Variants in TNC observed in about 807,000 individuals in gnomAD.
TNC encodes tenascin.
In TNC, 109 loss-of-function variants were observed where a neutral mutation model predicts 202.4. That is an observed-to-expected ratio of 0.54 (90% CI 0.46 to 0.63). The LOEUF (loss-of-function observed/expected upper bound fraction) is 0.63, where lower values mean the gene tolerates loss of function less well. Ranked by LOEUF, TNC falls within the 30% of genes least tolerant of loss-of-function variation. The pLI is 0.00. For missense variants in TNC, 2,756 were observed against 2,833.3 expected (o/e 0.97, Z 0.62); for synonymous variants, 1,007 against 1,089.7 (o/e 0.92, Z 1.50).
chr9:115,086,031 C>T lies in TNC; in HGVS notation c.1700G>A (p.Cys567Tyr), dbSNP rs1443190317. 1 of 1,614,028 alleles carries T rather than the reference C, an allele frequency of 6.2e-7. No individual in the cohort carries two copies. The highest frequency in any genetic ancestry group is 2.2e-5 in the East Asian group (1 of 44,900). The change falls in exon 3 of 28, where the codon TGT becomes TAT. Residue 567 changes from cysteine to tyrosine, a missense_variant. By Grantham distance (194) the Cys-to-Tyr change is radical. Transcript: ENST00000350763. ...DCKEQRCPSD[C>Y]HGQGRCVDGQ... Reference sequence around the variant, plus strand: ...GTCCACGCAGCGGCCCTGGCCATGACAGTCACTGGGACATCTTTGCTCCTT... The same window carrying T: ...GTCCACGCAGCGGCCCTGGCCATGATAGTCACTGGGACATCTTTGCTCCTT...
chr9:115,057,237 G>A lies in TNC; in HGVS notation c.4495C>T (p.Pro1499Ser). The change falls in exon 15 of 28, where the codon CCC becomes TCC. Residue 1499 changes from proline (P) to serine (S), a missense_variant. Physicochemically the swap from Pro to Ser is moderately conservative, Grantham distance 74 (BLOSUM62 -1). Coordinates refer to ENST00000350763, the MANE Select transcript of TNC (RefSeq NM_002160.4). ...AERTAHISGL[P>S]PSTDFIVYLS... ...TAGACAATAAAATCAGTACTAGGGG[G>A]TAGCCCTGAGATATGGGCAGTTCGT... 1 of 1,614,150 alleles carries A rather than the reference G, an allele frequency of 6.2e-7. No homozygotes were observed. Among genetic ancestry groups the A allele is most frequent in the East Asian group, 2.2e-5 (1 of 44,890 alleles).
At chr9:115,054,969 A>G (rs1290095952) in intron 15 of TNC, among the ~76,000 whole-genome samples, 1 of 152,190 alleles carries the variant, frequency 6.6e-6, no homozygotes, top group Non-Finnish European at 1.5e-5. Flanking sequence ...CTCTCATGCA[A>G]TTCTTGGGTT....
In TNC at chr9:115,111,399, C is replaced by CTTTT. The variant is rs71375272; in HGVS notation, c.-137+6579_-137+6582dup. Among the ~76,000 whole-genome samples, 59 of 71,360 alleles carry CTTTT rather than the reference C, an allele frequency of 8.3e-4. 2 individuals are homozygous for CTTTT. Among genetic ancestry groups the CTTTT allele is most frequent in the African/African-American group, 1.8e-3 (30 of 16,626 alleles). The allele number at this position is 71,360 out of a possible 152,430, so 46.8% of individuals were successfully genotyped here. A position where few individuals can be genotyped will look rare whatever the true frequency, so the allele number is the denominator to read the frequency against. On this transcript the variant is annotated intron_variant, in intron 1 of 27. Coordinates refer to ENST00000350763, the MANE Select transcript of TNC (RefSeq NM_002160.4). ...GCTTATAGACTTTCTCTCTCTCTCT[C>CTTTT]TTTTTTTTTTTTTTTTTTTTTTTTT...
chr9:115,021,573 G>T (rs377540698), intron 27 of TNC, among the ~76,000 whole-genome samples: 71 of 152,140 alleles, frequency 4.7e-4, no homozygotes, highest in African/African-American at 1.7e-3. Context: ...GAAATCTGCC[G>T]TCCTTAGGAA....
In TNC at chr9:115,020,709, C is replaced by A; in HGVS notation, c.*448G>T. 1 of 328,910 alleles carries A rather than the reference C, an allele frequency of 3.0e-6. No homozygotes were observed. Among genetic ancestry groups the A allele is most frequent in the Non-Finnish European group, 6.0e-6 (1 of 166,830 alleles). 20.4% of individuals were successfully genotyped at this position (328,910 alleles called of 1,614,324 possible). On this transcript the variant is annotated 3_prime_UTR_variant, in exon 28 of 28. Coordinates refer to ENST00000350763, the MANE Select transcript of TNC (RefSeq NM_002160.4). ...GGAAACAGTATTGCTTTTCTGGTTT[C>A]TGTTGTATGAAATGTAAAAAAAGGG... is the stretch of plus-strand genomic sequence containing the variant.
At chr9:115,029,248 A>G in intron 25 of TNC, 112 bp downstream of exon 25, 1 of 846,284 alleles carries the variant, frequency 1.2e-6, no homozygotes. Context: ...TGCCACCAGA[A>G]GTAGTTCTTC....
chr9:115,089,652 C>T (rs1467199479), intron 2 of TNC, among the ~76,000 whole-genome samples: 2 of 152,170 alleles, frequency 1.3e-5, no homozygotes, highest in Non-Finnish European at 2.9e-5. Context: ...AGGCATGCAC[C>T]ACCACACCCT....
At chr9:115,077,816 G>T in intron 7 of TNC, 127 bp downstream of exon 7, 1 of 968,756 alleles carries the variant, frequency 1.0e-6, no homozygotes, top group Non-Finnish European at 1.5e-6. Flanking sequence ...AAAATTTACA[G>T]GAGTAGAAAT....
intron 27 of TNC, among the ~76,000 whole-genome samples, chr9:115,022,363 AG>A (rs967035345): frequency 1.6e-4 from 25 of 152,280 alleles, no homozygotes; most frequent in African/African-American, 5.8e-4. Context: ...TTCCTCTGAT[AG>A]TTCAGGGTTG....
At chr9:115,116,508 ATAG>A (rs1226057312) in intron 1 of TNC, among the ~76,000 whole-genome samples, 2 of 152,294 alleles carry the variant, frequency 1.3e-5, no homozygotes, top group Admixed American at 1.3e-4. Context: ...GCTGGGATGG[ATAG>A]TAGTTTTCCT....
intron 16 of TNC, among the ~76,000 whole-genome samples, chr9:115,047,999 G>A (rs1484763775): frequency 6.6e-6 from 1 of 152,182 alleles, no homozygotes; most frequent in Non-Finnish European, 1.5e-5. Context: ...GCACACAAGA[G>A]CTATGGACAA....
intron 17 of TNC, among the ~76,000 whole-genome samples, chr9:115,044,835 C>G (rs1371156526): frequency 6.6e-6 from 1 of 152,096 alleles, no homozygotes; most frequent in African/African-American, 2.4e-5. Context: ...TTTCTCCAAG[C>G]CTACAAATAC....
chr9:115,051,032 T>C (rs1292039328), intron 15 of TNC, among the ~76,000 whole-genome samples: 3 of 152,126 alleles, frequency 2.0e-5, no homozygotes, highest in Non-Finnish European at 2.9e-5. Context: ...CCTGGTTTAA[T>C]GTGAAAATCA....
intron 13 of TNC, among the ~76,000 whole-genome samples, chr9:115,061,174 T>G (rs1832517100): frequency 6.6e-6 from 1 of 152,154 alleles, no homozygotes. Context: ...CAAAAATAGT[T>G]GAAAGATATA....
chr9:115,042,741 G>A (rs1025731231), intron 17 of TNC, among the ~76,000 whole-genome samples: 2 of 152,030 alleles, frequency 1.3e-5, no homozygotes, highest in Admixed American at 6.6e-5. Context: ...ACAGTTCTTT[G>A]CAATTTATAA....
intron 19 of TNC, 23 bp downstream of exon 19, chr9:115,040,918 C>T (rs1375584720): frequency 6.2e-7 from 1 of 1,603,240 alleles, no homozygotes; most frequent in East Asian, 2.2e-5. Context: ...CACACACACA[C>T]ACACACAACC....
intron 6 of TNC, among the ~76,000 whole-genome samples, chr9:115,078,997 C>G (rs1002646162): frequency 6.6e-6 from 1 of 152,156 alleles, no homozygotes; most frequent in African/African-American, 2.4e-5. Context: ...TTTTTTAACC[C>G]GGCTTCAGTC....
Position 115,086,318 on chromosome 9 carries a change from A to T in TNC, c.1413T>A (p.Pro471=). ...KGYDCSDMSC[P]NDCHQHGRCV... ...AGCGGCCGTGCTGGTGACAGTCATTAGGGCAGCTCATGTCACTGCAGTCAT... is the reference window on the plus strand; with the variant it reads ...AGCGGCCGTGCTGGTGACAGTCATTTGGGCAGCTCATGTCACTGCAGTCAT... Residue 471 remains proline, a synonymous_variant, in exon 3 of 28, where the codon CCT becomes CCA. Coordinates refer to ENST00000350763, the MANE Select transcript of TNC (RefSeq NM_002160.4). The T allele has an allele frequency of 4.3e-6, 7 of 1,614,068 alleles. No homozygotes were observed. The highest frequency in any genetic ancestry group is 5.9e-6 in the Non-Finnish European group (7 of 1,179,982).
At chr9:115,110,222 G>T (rs1836935144) in intron 1 of TNC, among the ~76,000 whole-genome samples, 1 of 152,190 alleles carries the variant, frequency 6.6e-6, no homozygotes, top group African/African-American at 2.4e-5. Flanking sequence ...GATATAAAAA[G>T]AATAAAAGGG....
Sources: allele counts gnomAD v4.1 joint callset (sites outside exome capture counted in the v4.1 genomes callset), GRCh38; gene constraint gnomAD v4.1.1; transcripts MANE v1.5; gene names NCBI Gene and HGNC (gene_info 2026-07-23, HGNC 2026-07-21).